The following MIA2 variants were observed in gnomAD, a reference collection of about 807,000 sequenced individuals.
MIA2 encodes melanoma inhibitory activity protein 2.
In MIA2, 127 loss-of-function variants were observed where a neutral mutation model predicts 167.8. The ratio of observed to expected loss-of-function variants is 0.76; its 90% CI spans 0.66 to 0.88. MIA2 has a LOEUF of 0.88. Among genes scored for constraint, MIA2 ranks in the 40% least tolerant of loss-of-function variants. The pLI is 0.00. For synonymous variants in MIA2, 552 were observed against 541.9 expected (o/e 1.02, Z -0.26); for missense variants, 1,690 against 1,624.7 (o/e 1.04, Z -0.69).
intron 25 of MIA2, among the ~76,000 whole-genome samples, chr14:39,341,625 G>C (rs551390460): frequency 6.6e-6 from 1 of 152,258 alleles, no homozygotes; most frequent in African/African-American, 2.4e-5. Flanking sequence ...AAGATCATCA[G>C]CTGAAGCAGG....
chr14:39,276,987 T>C lies in MIA2; in HGVS notation c.1941T>C (p.Phe647=). 1.2e-6 allele frequency: 2 copies of C among 1,614,022 alleles called. No homozygotes were observed. The highest frequency in any genetic ancestry group is 1.7e-6 in the Non-Finnish European group (2 of 1,179,920). The change falls in exon 7 of 29, where the codon TTT becomes TTC. Residue 647 remains phenylalanine, a synonymous_variant. Transcript: ENST00000640607. ...GMRPDSNLYG[F]PWELVICAAV... The stretch of plus-strand genomic sequence containing the variant: ...GACCAGATTCTAATCTTTATGGTTT[T>C]CCATGGGAATTGGTGATATGTGCAG...
At chr14:39,234,420 T>A (rs916986236) in intron 1 of MIA2, among the ~76,000 whole-genome samples, 191 bp downstream of exon 1, 1 of 152,168 alleles carries the variant, frequency 6.6e-6, no homozygotes, top group Admixed American at 6.5e-5. Flanking sequence ...AATACAAATA[T>A]ACAAATAGCA....
intron 25 of MIA2, among the ~76,000 whole-genome samples, chr14:39,342,734 C>T (rs1238279784): frequency 6.6e-6 from 1 of 152,166 alleles, no homozygotes; most frequent in Non-Finnish European, 1.5e-5. Context: ...AGAAAAAGCA[C>T]ACTATTTACA....
chr14:39,240,509 A>G, intron 2 of MIA2, 52 bp from the exon 3 acceptor site: 1 of 1,408,884 alleles, frequency 7.1e-7, no homozygotes, highest in Non-Finnish European at 1.0e-6. Context: ...TTCAATAATT[A>G]TTATTGCTTT....
At chr14:39,308,065 ATTTCTT>A (rs1026359454) in intron 17 of MIA2, among the ~76,000 whole-genome samples, 14 of 152,084 alleles carry the variant, frequency 9.2e-5, no homozygotes, top group Non-Finnish European at 1.5e-5. Context: ...GTATATTTAT[ATTTCTT>A]TTTCTTAGAT....
chr14:39,330,444 T>C (rs1253709749), intron 25 of MIA2, among the ~76,000 whole-genome samples: 1 of 152,198 alleles, frequency 6.6e-6, no homozygotes, highest in Non-Finnish European at 1.5e-5. Flanking sequence ...GAAGGGTTTT[T>C]TGTGTCTTTA....
rs756115820 is a variant in MIA2 at position 39,320,938 on chromosome 14, A to G, written c.3378A>G (p.Pro1126=). The G allele has an allele frequency of 6.8e-6, 11 of 1,613,208 alleles. No individual in the cohort carries two copies. The highest frequency in any genetic ancestry group is 9.3e-6 in the Non-Finnish European group (11 of 1,179,634). ...TTTTAATTATTCCAGAGCATTCCCCATATGGTCCCTCACCATTGGGTTGGC... is the reference window on the plus strand; with the variant it reads ...TTTTAATTATTCCAGAGCATTCCCCGTATGGTCCCTCACCATTGGGTTGGC... The part of the protein sequence containing the change: ...PNTAFGREHS[P]YGPSPLGWPS... Residue 1126 remains proline, a synonymous_variant, in exon 24 of 29, where the codon CCA becomes CCG. Coordinates refer to ENST00000640607, the MANE Select transcript of MIA2 (RefSeq NM_001329214.4).
intron 25 of MIA2, among the ~76,000 whole-genome samples, chr14:39,334,834 C>CTG (rs2069943630): frequency 6.6e-6 from 1 of 152,182 alleles, no homozygotes; most frequent in Non-Finnish European, 1.5e-5. Flanking sequence ...TCCCAAAGTG[C>CTG]TGTGATTACA....
intron 25 of MIA2, among the ~76,000 whole-genome samples, chr14:39,342,602 G>A (rs938434749): frequency 3.9e-5 from 6 of 152,136 alleles, no homozygotes; most frequent in African/African-American, 1.2e-4. Context: ...CTTCCACAAT[G>A]GTTGAAACAA....
chr14:39,375,860 C>A (rs1005721843), intron 23 of MIA2, among the ~76,000 whole-genome samples: 2 of 152,154 alleles, frequency 1.3e-5, no homozygotes, highest in African/African-American at 2.4e-5. Flanking sequence ...TAGAGAAAAA[C>A]TATAGTTTCA....
intron 2 of MIA2, among the ~76,000 whole-genome samples, chr14:39,239,372 TAC>T (rs149021252): frequency 8.0e-5 from 12 of 150,068 alleles, no homozygotes; most frequent in Non-Finnish European, 7.4e-5. Context: ...ATAGCAAGAA[TAC>T]ACACACACAC....
At chr14:39,245,193 G>A (rs2054242669) in intron 3 of MIA2, among the ~76,000 whole-genome samples, 1 of 150,748 alleles carries the variant, frequency 6.6e-6, no homozygotes, top group Non-Finnish European at 1.5e-5. Context: ...CTCCTGCCTT[G>A]GCCTCCCAAA....
intron 22 of MIA2, 143 bp from the exon 23 acceptor site, chr14:39,319,066 T>C (rs2065959903): frequency 2.3e-6 from 1 of 440,338 alleles, no homozygotes; most frequent in Non-Finnish European, 4.1e-6. Flanking sequence ...TAAAGGTGTT[T>C]TGGTCAGAAT....
intron 23 of MIA2, among the ~76,000 whole-genome samples, chr14:39,384,436 C>T (rs2075229922): frequency 6.6e-6 from 1 of 152,268 alleles, no homozygotes; most frequent in Non-Finnish European, 1.5e-5. Context: ...TGTTTTCATG[C>T]CTGTGAACAC....
intron 12 of MIA2, 72 bp downstream of exon 12, chr14:39,294,143 A>G: frequency 9.2e-7 from 1 of 1,085,650 alleles, no homozygotes; most frequent in South Asian, 1.4e-5. Context: ...AAATTAAGAA[A>G]TAAGACACAA....
rs372174228 is a variant in MIA2 at position 39,285,682 on chromosome 14, G to A, written c.2131-5337G>A. Among the ~76,000 whole-genome samples the A allele has an allele frequency of 2.0e-4, 30 of 148,438 alleles. 1 individual carries two copies. The highest frequency in any genetic ancestry group is 2.0e-3 in the East Asian group (10 of 5,052). On this transcript the variant is annotated intron_variant, in intron 9 of 28. Transcript: ENST00000640607. ...GGGGCTGACCCCCCACCTCCCTCCC[G>A]GTCGGGGTGGCTGCCGGGCGGAGAC...
At chr14:39,257,524 T>G (rs2054875130) in intron 6 of MIA2, among the ~76,000 whole-genome samples, 1 of 138,676 alleles carries the variant, frequency 7.2e-6, no homozygotes, top group Non-Finnish European at 1.6e-5. Context: ...TGATGGGTCT[T>G]GACTCTTTAT....
Position 39,313,367 on chromosome 14 carries a change from G to A in MIA2, c.3045G>A (p.Arg1015=). Residue 1015 remains arginine, a synonymous_variant, in exon 19 of 29, where the codon CGG becomes CGA. Transcript: ENST00000640607. ...AATTAACAGTAGAGGAAAATTATCG[G>A]TTAGAGAAAGAAGAGAAACTTTCTA... ...HRKLTVEENY[R]LEKEEKLSKV... 6.3e-7 allele frequency: 1 copy of A among 1,599,254 alleles called. No individual in the cohort carries two copies.
rs546284122 is a variant in MIA2 at position 39,359,658 on chromosome 14, T to C, written c.2248+10681T>C. Among the ~76,000 whole-genome samples the C allele has an allele frequency of 2.0e-5, 3 of 152,314 alleles. No individual in the cohort carries two copies. The East Asian group carries it at 5.8e-4, about 29-fold the overall frequency. On this transcript the variant is annotated intron_variant, in intron 23 of 23. Transcript: ENST00000341502. ...TCTGCGTCGCTCACACTGGGAGCTC[T>C]AGGCTGGAGCTGTTCCTATTTGGCT...
Sources: allele counts gnomAD v4.1 joint callset (sites outside exome capture counted in the v4.1 genomes callset), GRCh38; gene constraint gnomAD v4.1.1; transcripts MANE v1.5; gene names NCBI Gene and HGNC (gene_info 2026-07-23, HGNC 2026-07-21).